ADCK2: variants seen among roughly 807,000 people sequenced by gnomAD.
The protein encoded by ADCK2 is aarF domain containing kinase 2.
ADCK2 carries 37 observed loss-of-function variants against 52.3 expected under a neutral mutation model. The observed-to-expected ratio is 0.71, with a 90% CI of 0.54 to 0.93. The LOEUF (loss-of-function observed/expected upper bound fraction) is 0.93. Ranked by LOEUF, ADCK2 falls within the 40% of genes least tolerant of loss-of-function variation. The probability of loss-of-function intolerance (pLI) is 0.00; values close to 1 mark genes in which losing one functional copy is unlikely to be tolerated. For synonymous variants in ADCK2, 321 were observed against 349.2 expected (o/e 0.92, Z 0.90); for missense variants, 695 against 798.7 (o/e 0.87, Z 1.56).
intron 6 of ADCK2, among the ~76,000 whole-genome samples, chr7:140,690,228 A>G (rs528756591): frequency 1.6e-4 from 24 of 151,986 alleles, no homozygotes; most frequent in Admixed American, 2.6e-4. Flanking sequence ...TTTGAGATGG[A>G]GTCTTGCTGT....
At chr7:140,687,346 G>A (rs1794623514) in intron 5 of ADCK2, 105 bp downstream of exon 5, 2 of 1,412,344 alleles carry the variant, frequency 1.4e-6, no homozygotes, top group South Asian at 1.5e-5. Flanking sequence ...TTGGAAGCCT[G>A]AGCGGGGAGG....
chr7:140,690,734 C>T (rs1295225787), intron 6 of ADCK2, 26 bp from the exon 7 acceptor site: 1 of 1,611,782 alleles, frequency 6.2e-7, no homozygotes. Flanking sequence ...CGGTGGTCTG[C>T]ATTAGCCTTT....
chr7:140,682,798 T>G (rs1794537317), intron 4 of ADCK2, among the ~76,000 whole-genome samples: 1 of 134,592 alleles, frequency 7.4e-6, no homozygotes, highest in South Asian at 2.3e-4. Context: ...GAGACCAGCC[T>G]GAGCAAGATG....
At position 140,679,248 on chromosome 7, in the gene ADCK2, T is replaced by C; in HGVS notation, c.1174T>C (p.Phe392Leu). The change falls in exon 3 of 8, where the codon TTT becomes CTT. Residue 392 changes from phenylalanine to leucine, a missense_variant. Phe to Leu is a conservative substitution (Grantham distance 22, BLOSUM62 0). Transcript: ENST00000072869. ...CAAGTTCCCCACCCCTCTGCGCCCCTTTGTCACCAGAGAAGTCTTGGTGGA... is the reference window on the plus strand; with the variant it reads ...CAAGTTCCCCACCCCTCTGCGCCCCCTTGTCACCAGAGAAGTCTTGGTGGA... ...AVKFPTPLRPFVTREVLVETY... is the reference protein window; with the variant it reads ...AVKFPTPLRPLVTREVLVETY... 1 of 1,611,546 alleles carries C rather than the reference T, an allele frequency of 6.2e-7. No individual in the cohort carries two copies. Among genetic ancestry groups the C allele is most frequent in the Non-Finnish European group, 8.5e-7 (1 of 1,177,946 alleles).
chr7:140,690,709 C>A, intron 6 of ADCK2, 51 bp from the exon 7 acceptor site: 1 of 1,560,920 alleles, frequency 6.4e-7, no homozygotes, highest in Non-Finnish European at 8.8e-7. Context: ...GGGAAATGAG[C>A]GGTTCTGGAA....
intron 2 of ADCK2, among the ~76,000 whole-genome samples, chr7:140,677,571 T>A (rs1794441767): frequency 6.6e-6 from 1 of 152,224 alleles, no homozygotes; most frequent in East Asian, 1.9e-4. Context: ...AACAATGATT[T>A]ACAGAGCGTT....
Position 140,681,105 on chromosome 7 carries a change from G to C in ADCK2, c.1273G>C (p.Ala425Pro). 6.2e-7 allele frequency: 1 copy of C among 1,614,136 alleles called. No homozygotes were observed. The highest frequency in any genetic ancestry group is 8.5e-7 in the Non-Finnish European group (1 of 1,180,030). ...TCCCGTGGACTTGAAAAGGAAGATT[G>C]CACGGCTGGGGATCAACATGCTCCT... ...GIPVDLKRKI[A>P]RLGINMLLKM... The change falls in exon 4 of 8, where the codon GCA becomes CCA. Residue 425 changes from alanine to proline, a missense_variant. Coordinates refer to ENST00000072869, the MANE Select transcript of ADCK2 (RefSeq NM_052853.4).
chr7:140,687,757 G>C (rs1410374282), intron 5 of ADCK2, among the ~76,000 whole-genome samples: 1 of 151,352 alleles, frequency 6.6e-6, no homozygotes, highest in Non-Finnish European at 1.5e-5. Flanking sequence ...GTGCGCCTGT[G>C]GTCCCAGCTA....
At chr7:140,686,405 C>A (rs544549327) in intron 4 of ADCK2, among the ~76,000 whole-genome samples, 2 of 152,172 alleles carry the variant, frequency 1.3e-5, no homozygotes, top group African/African-American at 4.8e-5. Flanking sequence ...CTCAGCCTCC[C>A]GAGTAGCTGG....
intron 7 of ADCK2, 83 bp from the exon 8 acceptor site, chr7:140,694,580 A>G: frequency 1.5e-6 from 2 of 1,370,016 alleles, no homozygotes; most frequent in African/African-American, 2.9e-5. Flanking sequence ...GGAGGCTGAG[A>G]GTGGACAGCA....
In ADCK2 at chr7:140,693,047, G is replaced by A. The variant is rs750725131; in HGVS notation, c.1741-1616G>A. 1.3e-5 allele frequency among the ~76,000 whole-genome samples: 2 copies of A among 152,028 alleles called. No individual in the cohort carries two copies. The highest frequency in any genetic ancestry group is 2.9e-5 in the Non-Finnish European group (2 of 68,000). ...TGGGTGTGAGGTGATGTCTCATTGT[G>A]GTTTTGATTGCATTTCTCTACTGAT... is the stretch of plus-strand genomic sequence containing the variant. On this transcript the variant is annotated intron_variant, in intron 7 of 7. Coordinates refer to ENST00000072869, the MANE Select transcript of ADCK2 (RefSeq NM_052853.4). The surrounding 1 kb of genome is among the most constrained non-coding windows in gnomAD (Gnocchi z 4.0).
At chr7:140,679,112 G>A (rs1337808763) in intron 2 of ADCK2, 43 bp from the exon 3 acceptor site, 1 of 1,607,744 alleles carries the variant, frequency 6.2e-7, no homozygotes, top group South Asian at 1.1e-5. Context: ...CACTGTGCCT[G>A]TACCCAGACT....
At chr7:140,677,136 C>T (rs558883305) in intron 2 of ADCK2, among the ~76,000 whole-genome samples, 14 of 151,932 alleles carry the variant, frequency 9.2e-5, no homozygotes, top group African/African-American at 3.4e-4. Context: ...GGCCAGGTGC[C>T]GTGGCTCACA....
chr7:140,689,784 C>A, intron 6 of ADCK2, 59 bp downstream of exon 6: 2 of 1,526,146 alleles, frequency 1.3e-6, no homozygotes, highest in South Asian at 1.3e-5. Context: ...TGGGGCAGAG[C>A]AGATCCTGGG....
Position 140,673,761 on chromosome 7 carries a change from C to T in ADCK2, c.431C>T (p.Thr144Ile). Residue 144 changes from threonine to isoleucine, a missense_variant, in exon 1 of 8, where the codon ACC (threonine) becomes ATC (isoleucine). Coordinates refer to ENST00000072869, the MANE Select transcript of ADCK2 (RefSeq NM_052853.4). This position sits in a 1 kb window ranked among gnomAD's most constrained non-coding sequence, Gnocchi z 6.4. Reference sequence around the variant, plus strand: ...AAAGCCACCGAGACCTCAGGCCCAACCTACATCAAACTGGGCCAGTGGGCC... The same window carrying T: ...AAAGCCACCGAGACCTCAGGCCCAATCTACATCAAACTGGGCCAGTGGGCC... ...LLKATETSGP[T>I]YIKLGQWAST... 6.2e-7 allele frequency: 1 copy of T among 1,613,724 alleles called. No homozygotes were observed. The highest frequency in any genetic ancestry group is 8.5e-7 in the Non-Finnish European group (1 of 1,180,042).
intron 3 of ADCK2, among the ~76,000 whole-genome samples, chr7:140,679,659 T>A (rs1794481492): frequency 7.2e-6 from 1 of 139,566 alleles, no homozygotes; most frequent in African/African-American, 2.6e-5. Context: ...CAGCCTTCTC[T>A]CTCTTTTTTT....
At position 140,673,542 on chromosome 7, in the gene ADCK2, G is replaced by T; in HGVS notation, c.212G>T (p.Arg71Leu). The T allele has an allele frequency of 6.2e-7, 1 of 1,600,306 alleles. No individual in the cohort carries two copies. ...GACGTTCTGAGTCGGCGAAGGGTCC[G>T]CTGCAGCGGGGCGGCTGGCGCGGGG... ...APDVLSRRRV[R>L]CSGAAGAGPA... is the part of the protein sequence containing the mutation. Residue 71 changes from arginine (R) to leucine (L), a missense_variant, in exon 1 of 8, where the codon CGC becomes CTC. By Grantham distance (102) the Arg-to-Leu change is moderately radical. Transcript: ENST00000072869. The surrounding 1 kb of genome is among the most constrained non-coding windows in gnomAD (Gnocchi z 6.4).
chr7:140,690,654 C>CG (rs1415941982), intron 6 of ADCK2, 106 bp from the exon 7 acceptor site: 4 of 866,004 alleles, frequency 4.6e-6, no homozygotes, highest in Admixed American at 2.7e-5. Context: ...TGTGCCCTGG[C>CG]GGGGGAGTGG....
chr7:140,683,053 A>G (rs1043205870), intron 4 of ADCK2, among the ~76,000 whole-genome samples: 2 of 150,026 alleles, frequency 1.3e-5, no homozygotes. Flanking sequence ...CTGTAATCCC[A>G]GCACTTTGGG....
Sources: allele counts gnomAD v4.1 joint callset (sites outside exome capture counted in the v4.1 genomes callset), GRCh38; gene constraint gnomAD v4.1.1; non-coding constraint Gnocchi (gnomAD v3.1); transcripts MANE v1.5; gene names NCBI Gene and HGNC (gene_info 2026-07-23, HGNC 2026-07-21).